The following ANKRD27 variants were observed in gnomAD, a reference collection of about 807,000 sequenced individuals.
The protein encoded by ANKRD27 is ankyrin repeat domain 27, also known as ankyrin repeat domain-containing protein 27.
ANKRD27 carries 112 observed loss-of-function variants against 129.7 expected under a neutral mutation model. That is an observed-to-expected ratio of 0.86 (90% CI 0.74 to 1.01). The LOEUF (loss-of-function observed/expected upper bound fraction) is 1.01. Among genes scored for constraint, ANKRD27 ranks in the 50% least tolerant of loss-of-function variants. ANKRD27 has a pLI of 0.00. For synonymous variants in ANKRD27, 516 were observed against 511.2 expected (o/e 1.01, Z -0.13); for missense variants, 1,258 against 1,300.5 (o/e 0.97, Z 0.50).
At position 32,619,288 on chromosome 19, in the gene ANKRD27, T is replaced by C; in HGVS notation, c.1979A>G (p.Gln660Arg). The change falls in exon 20 of 29, where the codon CAG becomes CGG. Residue 660 changes from glutamine (Q) to arginine (R), a missense_variant. Transcript: ENST00000306065. ...TCTGTAGTCCTTCTTGGTCTCCTCC[T>C]GCCTTGAGCTGGCTGACATGGAGGA... is the stretch of plus-strand genomic sequence containing the variant. Reference protein sequence around the residue: ...SFSSMSASSRQEETKKDYREV... With the variant: ...SFSSMSASSRREETKKDYREV... 2 of 1,613,616 alleles carry C rather than the reference T, an allele frequency of 1.2e-6. No homozygotes were observed. Among genetic ancestry groups the C allele is most frequent in the Non-Finnish European group, 1.7e-6 (2 of 1,179,816 alleles).
intron 20 of ANKRD27, among the ~76,000 whole-genome samples, chr19:32,617,904 A>G (rs1971946347): frequency 6.6e-6 from 1 of 151,882 alleles, no homozygotes; most frequent in African/African-American, 2.4e-5. Context: ...ACAGGCATGC[A>G]CCACCATGCC....
At position 32,628,938 on chromosome 19, in the gene ANKRD27, T is replaced by G; in HGVS notation, c.1210-89A>C. On this transcript the variant is annotated intron_variant, in intron 13 of 28. Transcript: ENST00000306065. ...TTTTGAGAGTCCTTTTTGGTTTTTTTGAGATGGAGTCTCGTCCTGTCGCCC... is the reference window on the plus strand; with the variant it reads ...TTTTGAGAGTCCTTTTTGGTTTTTTGGAGATGGAGTCTCGTCCTGTCGCCC... The G allele has an allele frequency of 2.0e-6, 3 of 1,470,692 alleles. No individual in the cohort carries two copies. The South Asian group carries it at 3.5e-5, about 17-fold the overall frequency. 91.1% of individuals were successfully genotyped at this position (1,470,692 alleles called of 1,614,324 possible). A position where few individuals can be genotyped will look rare whatever the true frequency, so the allele number is the denominator to read the frequency against.
intron 20 of ANKRD27, among the ~76,000 whole-genome samples, chr19:32,617,975 C>T (rs570106799): frequency 5.9e-4 from 90 of 152,020 alleles, no homozygotes; most frequent in African/African-American, 2.1e-3. Context: ...TCAGGCTGGT[C>T]TCAAACTCCC....
In ANKRD27 at chr19:32,598,364, A is replaced by G; in HGVS notation, c.2934T>C (p.Ser978=). The G allele has an allele frequency of 6.2e-7, 1 of 1,614,176 alleles. No homozygotes were observed. Among genetic ancestry groups the G allele is most frequent in the African/African-American group, 1.3e-5 (1 of 75,042 alleles). The part of the protein sequence containing the change: ...EGSLHEPGRQ[S]VTLRQNNLPA... The stretch of plus-strand genomic sequence containing the variant: ...GCAGGTTATTCTGTCTCAGTGTGAC[A>G]CTTTGCCTCCCTGGCTAAAGAAAAA... The change falls in exon 29 of 29, where the codon AGT becomes AGC. Residue 978 remains serine (S), a synonymous_variant. Coordinates refer to ENST00000306065, the MANE Select transcript of ANKRD27 (RefSeq NM_032139.3).
At chr19:32,600,160 A>C (rs1353177938) in intron 26 of ANKRD27, 110 bp from the exon 27 acceptor site, 1 of 825,724 alleles carries the variant, frequency 1.2e-6, no homozygotes, top group East Asian at 2.7e-5. Flanking sequence ...AAAATTTAGA[A>C]ACTGAAGCAC....
chr19:32,660,196 G>A (rs1399197152), intron 1 of ANKRD27, among the ~76,000 whole-genome samples: 2 of 152,226 alleles, frequency 1.3e-5, no homozygotes, highest in African/African-American at 2.4e-5. Context: ...GCTAGGCGGG[G>A]CCTTTGGGGG....
chr19:32,600,709 T>C (rs1377989795), intron 26 of ANKRD27, among the ~76,000 whole-genome samples: 2 of 152,138 alleles, frequency 1.3e-5, no homozygotes, highest in African/African-American at 4.8e-5. Flanking sequence ...GCCTGTATTA[T>C]GAGAACCCCC....
intron 2 of ANKRD27, among the ~76,000 whole-genome samples, chr19:32,650,397 C>A (rs998680599): frequency 6.6e-6 from 1 of 151,926 alleles, no homozygotes; most frequent in Non-Finnish European, 1.5e-5. Flanking sequence ...ACTAAAAATA[C>A]AAAAATTAGC....
At chr19:32,628,303 T>C in intron 14 of ANKRD27, 138 bp from the exon 15 acceptor site, 2 of 695,422 alleles carry the variant, frequency 2.9e-6, no homozygotes, top group Admixed American at 2.5e-5. Context: ...TCTCCGGCAC[T>C]GTCCCAGTGC....
intron 24 of ANKRD27, among the ~76,000 whole-genome samples, chr19:32,605,555 G>A (rs1474728136): frequency 2.0e-5 from 3 of 152,186 alleles, no homozygotes; most frequent in Non-Finnish European, 4.4e-5. Context: ...CCCATGCTCA[G>A]GTAACAGCGT....
chr19:32,650,034 A>C (rs948160751), intron 2 of ANKRD27, among the ~76,000 whole-genome samples: 1 of 152,052 alleles, frequency 6.6e-6, no homozygotes, highest in African/African-American at 2.4e-5. Context: ...CAGAGGGAGG[A>C]GGCGAACAGT....
chr19:32,646,377 C>A, intron 4 of ANKRD27, 82 bp downstream of exon 4: 5 of 1,447,128 alleles, frequency 3.5e-6, no homozygotes, highest in Non-Finnish European at 4.7e-6. Flanking sequence ...CCTTGTTTAA[C>A]CTTTCAACAG....
intron 2 of ANKRD27, among the ~76,000 whole-genome samples, chr19:32,656,763 C>A (rs535766031): frequency 6.8e-6 from 1 of 146,508 alleles, no homozygotes; most frequent in African/African-American, 2.5e-5. Flanking sequence ...CTAGCCCAGG[C>A]TGGGGGACAA....
chr19:32,599,912 G>C (rs967788335), intron 27 of ANKRD27, 60 bp downstream of exon 27: 3 of 1,523,710 alleles, frequency 2.0e-6, no homozygotes, highest in Non-Finnish European at 1.8e-6. Flanking sequence ...AGCAGCTTAC[G>C]TGCAGCTTGG....
At chr19:32,660,034 G>A (rs531967514) in intron 1 of ANKRD27, among the ~76,000 whole-genome samples, 2 of 152,314 alleles carry the variant, frequency 1.3e-5, no homozygotes, top group African/African-American at 2.4e-5. Flanking sequence ...TAAGGCAGGA[G>A]GATCCGCTTA....
intron 25 of ANKRD27, among the ~76,000 whole-genome samples, chr19:32,603,482 C>T (rs931756556): frequency 6.6e-6 from 1 of 152,210 alleles, no homozygotes; most frequent in Admixed American, 6.5e-5. Flanking sequence ...TCCACGCAAG[C>T]ATCCACAGCA....
At chr19:32,674,055 G>T (rs536942904) in intron 1 of ANKRD27, among the ~76,000 whole-genome samples, 40 of 152,022 alleles carry the variant, frequency 2.6e-4, no homozygotes, top group African/African-American at 9.7e-4. Context: ...TACTACAGAG[G>T]CTGAGGTGAA....
intron 22 of ANKRD27, among the ~76,000 whole-genome samples, chr19:32,611,201 A>T (rs766804424): frequency 4.6e-5 from 7 of 152,188 alleles, no homozygotes; most frequent in African/African-American, 7.2e-5. Context: ...GTGGGAAAAC[A>T]CAGGGAGGAG....
intron 23 of ANKRD27, among the ~76,000 whole-genome samples, chr19:32,606,553 G>A (rs1456171198): frequency 3.3e-5 from 5 of 152,242 alleles, no homozygotes; most frequent in African/African-American, 1.2e-4. Flanking sequence ...CTGTGCGGTT[G>A]AAGCGCAGGG....
Sources: gnomAD v4.1 joint callset for allele counts (sites outside exome capture counted in the v4.1 genomes callset) on GRCh38, gnomAD v4.1.1 for gene constraint, MANE v1.5 for transcripts, NCBI Gene and HGNC (gene_info 2026-07-23, HGNC 2026-07-21) for gene names.